The following PRPSAP2 variants were observed in gnomAD, a reference collection of about 807,000 sequenced individuals.
PRPSAP2 encodes phosphoribosyl pyrophosphate synthase-associated protein 2.
Under a neutral mutation model 40.6 loss-of-function variants are expected in PRPSAP2, and 24 were observed. That is an observed-to-expected ratio of 0.59 (90% CI 0.43 to 0.83). The LOEUF (loss-of-function observed/expected upper bound fraction) is 0.83, where lower values mean the gene tolerates loss of function less well. PRPSAP2 is among the 40% of genes least tolerant of loss of function. PRPSAP2 has a pLI of 0.00. For synonymous variants in PRPSAP2, 149 were observed against 164.7 expected (o/e 0.90, Z 0.73); for missense variants, 292 against 465.6 (o/e 0.63, Z 3.43).
At chr17:18,910,116 C>T (rs2040867646) in intron 8 of PRPSAP2, among the ~76,000 whole-genome samples, 1 of 152,022 alleles carries the variant, frequency 6.6e-6, no homozygotes, top group African/African-American at 2.4e-5. Flanking sequence ...AAAACATGTG[C>T]TGCGTAAAAT....
intron 7 of PRPSAP2, among the ~76,000 whole-genome samples, chr17:18,885,762 T>G (rs933017189): frequency 6.6e-6 from 1 of 152,136 alleles, no homozygotes; most frequent in Non-Finnish European, 1.5e-5. Flanking sequence ...TAATTTTGTA[T>G]TTTTAGTAGA....
At chr17:18,922,652 C>CAT (rs151228953) in intron 9 of PRPSAP2, among the ~76,000 whole-genome samples, 79 of 140,542 alleles carry the variant, frequency 5.6e-4, no homozygotes, top group South Asian at 1.8e-3. Context: ...GCATATGGCG[C>CAT]ATATATATAT....
intron 5 of PRPSAP2, among the ~76,000 whole-genome samples, chr17:18,873,279 A>G (rs72842322): frequency 2.5e-4 from 16 of 62,964 alleles, no homozygotes; most frequent in Admixed American, 8.4e-4. Context: ...CCGCAACCTC[A>G]GCTTACCGCA....
At chr17:18,925,168 A>G (rs533062027) in intron 10 of PRPSAP2, among the ~76,000 whole-genome samples, 6 of 152,324 alleles carry the variant, frequency 3.9e-5, no homozygotes, top group African/African-American at 1.4e-4. Context: ...ACTGTTTGAA[A>G]CATGCATCCT....
chr17:18,885,403 C>CCAAAA (rs2039059914), intron 7 of PRPSAP2, among the ~76,000 whole-genome samples: 1 of 10,986 alleles, frequency 9.1e-5, no homozygotes, highest in African/African-American at 2.2e-4. Flanking sequence ...TTCCTTCTCA[C>CCAAAA]AAAAAAAAAA....
chr17:18,889,119 G>A (rs919257302), intron 7 of PRPSAP2, among the ~76,000 whole-genome samples: 1 of 152,168 alleles, frequency 6.6e-6, no homozygotes, highest in Non-Finnish European at 1.5e-5. Flanking sequence ...GAGAGTGTTG[G>A]ATAAATTAGG....
intron 9 of PRPSAP2, among the ~76,000 whole-genome samples, chr17:18,916,527 G>A (rs999666525): frequency 9.9e-5 from 15 of 151,802 alleles, no homozygotes; most frequent in South Asian, 4.2e-4. Flanking sequence ...GATTACAGGC[G>A]CGCACCACCA....
At chr17:18,929,984 G>A (rs565503103) in intron 11 of PRPSAP2, among the ~76,000 whole-genome samples, 3 of 151,766 alleles carry the variant, frequency 2.0e-5, no homozygotes, top group Non-Finnish European at 1.5e-5. Flanking sequence ...CCGTGAGTTG[G>A]GGGGGGGCTC....
chr17:18,930,389 A>T, intron 11 of PRPSAP2, 151 bp from the exon 12 acceptor site: 1 of 672,334 alleles, frequency 1.5e-6, no homozygotes, highest in South Asian at 2.5e-5. Flanking sequence ...AAATAAATAA[A>T]TAAATAATTG....
intron 9 of PRPSAP2, among the ~76,000 whole-genome samples, chr17:18,918,557 G>A (rs1254655012): frequency 1.3e-5 from 2 of 152,188 alleles, no homozygotes; most frequent in South Asian, 2.1e-4. Flanking sequence ...AAATACACTC[G>A]TGTCCTAGAA....
intron 7 of PRPSAP2, among the ~76,000 whole-genome samples, chr17:18,886,747 T>G (rs1248881480): frequency 6.6e-6 from 1 of 152,086 alleles, no homozygotes; most frequent in Non-Finnish European, 1.5e-5. Context: ...CTTTTCACAG[T>G]TTGACCTACT....
intron 8 of PRPSAP2, among the ~76,000 whole-genome samples, chr17:18,892,714 TG>T (rs1567708902): frequency 8.2e-5 from 8 of 97,258 alleles, no homozygotes; most frequent in African/African-American, 1.2e-4. Flanking sequence ...TGTGTGTGTG[TG>T]TGTGTGTGTG....
intron 9 of PRPSAP2, among the ~76,000 whole-genome samples, chr17:18,922,297 A>G (rs754025397): frequency 6.6e-6 from 1 of 152,196 alleles, no homozygotes; most frequent in African/African-American, 2.4e-5. Flanking sequence ...CTCATGGTCT[A>G]TACCTGGTAT....
At chr17:18,894,477 G>GTTTTTT (rs1417463058) in intron 8 of PRPSAP2, among the ~76,000 whole-genome samples, 1 of 120,032 alleles carries the variant, frequency 8.3e-6, no homozygotes, top group African/African-American at 3.3e-5. Context: ...CTTTTCAATA[G>GTTTTTT]TCTTTTTTTT....
chr17:18,886,929 CTTTTTTT>C (rs71155365), intron 7 of PRPSAP2, among the ~76,000 whole-genome samples: 29 of 75,368 alleles, frequency 3.8e-4, no homozygotes, highest in Non-Finnish European at 5.0e-4. Context: ...TTCTTTTCTT[CTTTTTTT>C]TTTTTTTTTT....
chr17:18,930,116 T>C (rs887120060), intron 11 of PRPSAP2, among the ~76,000 whole-genome samples: 2 of 152,204 alleles, frequency 1.3e-5, no homozygotes, highest in African/African-American at 4.8e-5. Context: ...CTCACGCCTG[T>C]AATCCCAGCA....
chr17:18,898,999 G>A (rs1189960852), intron 8 of PRPSAP2, among the ~76,000 whole-genome samples: 1 of 152,016 alleles, frequency 6.6e-6, no homozygotes. Context: ...CTGCCTCTTG[G>A]GTTCAAGCGA....
chr17:18,897,453 G>GTTGTTGTTGTTGT (rs1555555755), intron 8 of PRPSAP2, among the ~76,000 whole-genome samples: 2,937 of 150,572 alleles, frequency 0.02, 32 homozygotes, highest in African/African-American at 0.038. Flanking sequence ...CTCTATAGTG[G>GTTGTTGTTGTTGT]TGTTGTTGTT....
chr17:18,927,609 A>G (rs1380554940), intron 10 of PRPSAP2, among the ~76,000 whole-genome samples: 1 of 152,176 alleles, frequency 6.6e-6, no homozygotes, highest in Non-Finnish European at 1.5e-5. Context: ...ACATTCATGT[A>G]TAGGTTTTTG....
Sources: allele counts gnomAD v4.1 joint callset (sites outside exome capture counted in the v4.1 genomes callset), GRCh38; gene constraint gnomAD v4.1.1; transcripts MANE v1.5; gene names NCBI Gene and HGNC (gene_info 2026-07-23, HGNC 2026-07-21).